Variants in RAPGEF5 observed in about 807,000 individuals in gnomAD.
RAPGEF5 encodes M-Ras-regulated GEF.
RAPGEF5 carries 65 observed loss-of-function variants against 125.2 expected under a neutral mutation model. That is an observed-to-expected ratio of 0.52 (90% CI 0.43 to 0.64). The LOEUF is 0.64. RAPGEF5 is among the 30% of genes least tolerant of loss of function. The pLI is 0.00. For synonymous variants in RAPGEF5, 391 were observed against 385.9 expected (o/e 1.01, Z -0.16); for missense variants, 958 against 1,048.1 (o/e 0.91, Z 1.19).
At chr7:22,315,626 A>G in intron 2 of RAPGEF5, 150 bp from the exon 3 acceptor site, 1 of 535,512 alleles carries the variant, frequency 1.9e-6, no homozygotes, top group Non-Finnish European at 2.4e-6. Flanking sequence ...AGGTTGAGAC[A>G]TATTTTAGCC....
chr7:22,246,802 T>A (rs984836354), intron 7 of RAPGEF5, among the ~76,000 whole-genome samples: 15 of 152,068 alleles, frequency 9.9e-5, no homozygotes, highest in Non-Finnish European at 1.9e-4. Context: ...AACTACAACA[T>A]GGGGGAAAAT....
chr7:22,316,474 TATATATATA>T (rs1783595305), intron 2 of RAPGEF5, among the ~76,000 whole-genome samples: 2 of 57,300 alleles, frequency 3.5e-5, no homozygotes, highest in Admixed American at 3.5e-4. Flanking sequence ...TATATATATA[TATATATATA>T]TATATATTTT....
intron 6 of RAPGEF5, among the ~76,000 whole-genome samples, chr7:22,288,375 C>T (rs947306259): frequency 6.6e-6 from 1 of 152,058 alleles, no homozygotes; most frequent in African/African-American, 2.4e-5. Context: ...GCAACATATC[C>T]CCCAAAATCA....
intron 7 of RAPGEF5, among the ~76,000 whole-genome samples, chr7:22,231,866 C>A (rs550161066): frequency 6.6e-6 from 1 of 152,156 alleles, no homozygotes; most frequent in African/African-American, 2.4e-5. Flanking sequence ...CCTAAGAACA[C>A]GGGGAACCAC....
intron 7 of RAPGEF5, among the ~76,000 whole-genome samples, chr7:22,254,718 T>C (rs1786712031): frequency 6.6e-6 from 1 of 151,838 alleles, no homozygotes; most frequent in East Asian, 1.9e-4. Flanking sequence ...TTCCATGGAC[T>C]TGGAGAGGAA....
At chr7:22,153,196 T>C (rs1411323048) in intron 17 of RAPGEF5, among the ~76,000 whole-genome samples, 2 of 152,202 alleles carry the variant, frequency 1.3e-5, no homozygotes, top group Non-Finnish European at 2.9e-5. Context: ...AGGATCACTC[T>C]CTGTAGTGGT....
At chr7:22,272,342 CAAAAAA>C (rs1282857477) in intron 6 of RAPGEF5, among the ~76,000 whole-genome samples, 1 of 35,972 alleles carries the variant, frequency 2.8e-5, no homozygotes, top group African/African-American at 9.2e-5. Context: ...GACTCCGTCT[CAAAAAA>C]AAAAAAAAAA....
intron 6 of RAPGEF5, among the ~76,000 whole-genome samples, chr7:22,283,046 TACACAC>T (rs71550469): frequency 2.0e-5 from 3 of 148,358 alleles, no homozygotes; most frequent in Non-Finnish European, 4.5e-5. Flanking sequence ...TGTAAAAAAA[TACACAC>T]ACACACACAC....
At chr7:22,181,257 C>T (rs1784663772) in intron 11 of RAPGEF5, among the ~76,000 whole-genome samples, 1 of 152,074 alleles carries the variant, frequency 6.6e-6, no homozygotes, top group Non-Finnish European at 1.5e-5. Context: ...AAAAAGCTTA[C>T]TTGCTGTCAG....
intron 4 of RAPGEF5, among the ~76,000 whole-genome samples, chr7:22,309,680 A>C (rs1301347156): frequency 6.6e-6 from 1 of 152,224 alleles, no homozygotes; most frequent in Non-Finnish European, 1.5e-5. Flanking sequence ...GATTTTGAAA[A>C]AAGTTTGTAA....
chr7:22,287,320 T>C (rs1402470036), intron 6 of RAPGEF5, among the ~76,000 whole-genome samples: 1 of 152,224 alleles, frequency 6.6e-6, no homozygotes, highest in African/African-American at 2.4e-5. Flanking sequence ...ATGCACCATC[T>C]TCTCATGTTC....
At chr7:22,331,755 A>AAG (rs1464530792) in intron 1 of RAPGEF5, among the ~76,000 whole-genome samples, 1 of 151,544 alleles carries the variant, frequency 6.6e-6, no homozygotes, top group Non-Finnish European at 1.5e-5. Context: ...AAAAAAAAAA[A>AAG]AAAAAAGAAA....
At chr7:22,172,988 G>A (rs374752490) in intron 11 of RAPGEF5, among the ~76,000 whole-genome samples, 2 of 152,292 alleles carry the variant, frequency 1.3e-5, no homozygotes, top group South Asian at 2.1e-4. Flanking sequence ...CAACATTTCT[G>A]TATTAACTCA....
At chr7:22,152,531 T>A (rs1227350508) in intron 17 of RAPGEF5, among the ~76,000 whole-genome samples, 1 of 152,208 alleles carries the variant, frequency 6.6e-6, no homozygotes, top group Non-Finnish European at 1.5e-5. Flanking sequence ...TCTGAATAAC[T>A]GGGTAGTTTA....
chr7:22,202,713 C>G (rs928521610), intron 9 of RAPGEF5, among the ~76,000 whole-genome samples: 1 of 152,160 alleles, frequency 6.6e-6, no homozygotes, highest in African/African-American at 2.4e-5. Flanking sequence ...CAGATGATGG[C>G]AGCCCTTCAA....
At chr7:22,285,707 G>T (rs1782781112) in intron 6 of RAPGEF5, among the ~76,000 whole-genome samples, 1 of 152,212 alleles carries the variant, frequency 6.6e-6, no homozygotes, top group Non-Finnish European at 1.5e-5. Context: ...CAAAGAAAAT[G>T]ACTGAAGTTT....
At chr7:22,135,854 G>A (rs3901281) in intron 23 of RAPGEF5, among the ~76,000 whole-genome samples, 184 bp downstream of exon 23, 49,491 of 151,764 alleles carry the variant, frequency 0.33, 8,786 homozygotes, top group Non-Finnish European at 0.39. Flanking sequence ...ACACAATTAC[G>A]TATTCTAGGT....
In RAPGEF5 at chr7:22,267,001, C is replaced by T; in HGVS notation, c.759G>A (p.Glu253=). ...CTTTCAAAGCAATAACAGCTGCTAG[C>T]TCTCTCTGCACCTAATAAAATATTA... ...LVRLTSAVQR[E]LAAVIALKAR... Residue 253 remains glutamate (E), a synonymous_variant, in exon 7 of 26, where the codon GAG becomes GAA. Transcript: ENST00000665637. 6.2e-7 allele frequency: 1 copy of T among 1,610,130 alleles called. No individual in the cohort carries two copies. The highest frequency in any genetic ancestry group is 8.5e-7 in the Non-Finnish European group (1 of 1,176,958).
At chr7:22,165,841 A>G (rs1031226460) in intron 12 of RAPGEF5, among the ~76,000 whole-genome samples, 6 of 151,856 alleles carry the variant, frequency 4.0e-5, no homozygotes, top group Non-Finnish European at 5.9e-5. Flanking sequence ...TTTTGAAGGC[A>G]GTCTCCCTCT....
Sources: gnomAD v4.1 joint callset for allele counts (sites outside exome capture counted in the v4.1 genomes callset) on GRCh38, gnomAD v4.1.1 for gene constraint, MANE v1.5 for transcripts, NCBI Gene and HGNC (gene_info 2026-07-23, HGNC 2026-07-21) for gene names.